The following ANK3 variants were observed in gnomAD, a reference collection of about 807,000 sequenced individuals.
ANK3 encodes ankyrin 3.
A neutral mutation model predicts 370.9 loss-of-function variants in ANK3; 57 were observed. That is an observed-to-expected ratio of 0.15 (90% CI 0.12 to 0.19). ANK3 has a LOEUF of 0.19. Ranked by LOEUF, ANK3 falls within the 10% of genes least tolerant of loss-of-function variation. The pLI, the probability that ANK3 is intolerant of heterozygous loss-of-function variation, is 1.00. For synonymous variants in ANK3, 1,929 were observed against 1,946.3 expected (o/e 0.99, Z 0.23); for missense variants, 4,439 against 5,302.1 (o/e 0.84, Z 5.06).
At chr10:60,132,148 C>A (rs1011380632) in intron 25 of ANK3, among the ~76,000 whole-genome samples, 2 of 152,088 alleles carry the variant, frequency 1.3e-5, no homozygotes, top group African/African-American at 4.8e-5. Context: ...AAATTTCAAC[C>A]AATTCCTGGC....
chr10:60,552,084 G>A (rs1004810045), intron 2 of ANK3, among the ~76,000 whole-genome samples: 3 of 152,160 alleles, frequency 2.0e-5, no homozygotes, highest in African/African-American at 4.8e-5. Context: ...CTGCACACAT[G>A]AGAGCAATGA....
chr10:60,684,604 A>G, intron 1 of ANK3: 1 of 1,589,848 alleles, frequency 6.3e-7, no homozygotes, highest in Middle Eastern at 1.8e-4. Flanking sequence ...TGCTGGAAAG[A>G]CAACTGTCTT....
At position 60,213,403 on chromosome 10, in the gene ANK3, A is replaced by C. The variant is rs372780269; in HGVS notation, c.996+9T>G. On this transcript the variant is annotated intron_variant, in intron 9 of 43. Transcript: ENST00000280772. ...CAGTCCAATGTCCAGAAACCTGAAA[A>C]GAAATTACCTTGGTTTTTGAAAGAA... 8.7e-6 allele frequency: 14 copies of C among 1,604,782 alleles called. No individual in the cohort carries two copies. The African/African-American group carries it at 1.9e-4, about 21-fold the overall frequency.
intron 2 of ANK3, among the ~76,000 whole-genome samples, chr10:60,594,631 G>GA (rs780784338): frequency 6.6e-6 from 1 of 151,876 alleles, no homozygotes; most frequent in Admixed American, 6.6e-5. Flanking sequence ...GACTATATGT[G>GA]AAAAAAATAT....
At chr10:60,227,333 T>C (rs1175174487) in intron 8 of ANK3, among the ~76,000 whole-genome samples, 1 of 152,052 alleles carries the variant, frequency 6.6e-6, no homozygotes, top group Non-Finnish European at 1.5e-5. Context: ...ATTCATGATA[T>C]GTCTTTTTCT....
At position 60,073,902 on chromosome 10, in the gene ANK3, C is replaced by T. The variant is rs1401962698; in HGVS notation, c.6979G>A (p.Glu2327Lys). The T allele has an allele frequency of 6.2e-7, 1 of 1,613,950 alleles. No individual in the cohort carries two copies. The highest frequency in any genetic ancestry group is 2.2e-5 in the East Asian group (1 of 44,872). Reference sequence around the variant, plus strand: ...TCGATGTGGACTTCTATTATACGCTCCAGTTTGGGTTTCATTTGGTTGTCC... The same window carrying T: ...TCGATGTGGACTTCTATTATACGCTTCAGTTTGGGTTTCATTTGGTTGTCC... ...EKDNQMKPKL[E>K]RIIEVHIEKG... The change falls in exon 37 of 44, where the codon GAG (glutamate) becomes AAG (lysine). Residue 2327 changes from glutamate to lysine, a missense_variant. By Grantham distance (56) the Glu-to-Lys change is moderately conservative (BLOSUM62 1). This residue lies in a region of ANK3 where 1,601 missense variants were observed against 1,731.7 expected (regional missense o/e 0.92). Coordinates refer to ENST00000280772, the MANE Select transcript of ANK3 (RefSeq NM_020987.5).
chr10:60,245,128 C>T (rs374957522), intron 7 of ANK3, among the ~76,000 whole-genome samples: 9 of 152,056 alleles, frequency 5.9e-5, no homozygotes, highest in African/African-American at 2.2e-4. Flanking sequence ...GAGATTGCGC[C>T]ACTGCACTCC....
chr10:60,504,574 G>T (rs1245960081), intron 2 of ANK3, among the ~76,000 whole-genome samples: 2 of 152,120 alleles, frequency 1.3e-5, no homozygotes, highest in Non-Finnish European at 2.9e-5. Context: ...AAACAAATGT[G>T]TTTGGGATAC....
At chr10:60,713,613 G>A (rs141342485) in intron 1 of ANK3, among the ~76,000 whole-genome samples, 1 of 152,126 alleles carries the variant, frequency 6.6e-6, no homozygotes, top group Non-Finnish European at 1.5e-5. Context: ...ACAACAGGCT[G>A]GGTGCAGTGC....
In ANK3 at chr10:60,070,862, T is replaced by A. The variant is rs1337459791; in HGVS notation, c.10019A>T (p.Asp3340Val). The A allele has an allele frequency of 6.2e-7, 1 of 1,614,112 alleles. No individual in the cohort carries two copies. Among genetic ancestry groups the A allele is most frequent in the East Asian group, 2.2e-5 (1 of 44,880 alleles). Residue 3340 changes from aspartate to valine, a missense_variant, in exon 37 of 44, where the codon GAC becomes GTC. By Grantham distance (152) the Asp-to-Val change is radical. This residue lies in a region of ANK3 where 1,601 missense variants were observed against 1,731.7 expected (regional missense o/e 0.92). Coordinates refer to ENST00000280772, the MANE Select transcript of ANK3 (RefSeq NM_020987.5). The surrounding 1 kb of genome is among the most constrained non-coding windows in gnomAD (Gnocchi z 5.7). ...KKYTFKLKEV[D>V]DEQKEKPKAS... ...TTTGGGTTTTTCTTTTTGTTCATCG[T>A]CCACTTCCTTTAATTTGAAGGTATA...
intron 1 of ANK3, among the ~76,000 whole-genome samples, chr10:60,655,569 C>A (rs2078851938): frequency 6.6e-6 from 1 of 151,718 alleles, no homozygotes; most frequent in Non-Finnish European, 1.5e-5. Flanking sequence ...ATAAAAACAT[C>A]AAAAATTTTT....
intron 19 of ANK3, 24 bp downstream of exon 19, chr10:60,173,064 G>A (rs1259518948): frequency 6.2e-7 from 1 of 1,607,376 alleles, no homozygotes; most frequent in South Asian, 1.1e-5. Flanking sequence ...GATTCTGGCA[G>A]AAACAAAAAA....
At chr10:60,485,250 T>C (rs2075320084) in intron 2 of ANK3, among the ~76,000 whole-genome samples, 1 of 152,130 alleles carries the variant, frequency 6.6e-6, no homozygotes, top group African/African-American at 2.4e-5. Context: ...TTTCTTTCCA[T>C]GTCTACACCT....
intron 1 of ANK3, among the ~76,000 whole-genome samples, chr10:60,721,852 C>T (rs2079868156): frequency 6.6e-6 from 1 of 152,060 alleles, no homozygotes; most frequent in African/African-American, 2.4e-5. Flanking sequence ...TAATTGACAC[C>T]TTCATCATAG....
chr10:60,244,744 C>T (rs966558258), intron 7 of ANK3, among the ~76,000 whole-genome samples: 3 of 152,140 alleles, frequency 2.0e-5, no homozygotes, highest in African/African-American at 7.2e-5. Context: ...AGATTACTAC[C>T]ATCCTTGTTC....
Position 60,076,443 on chromosome 10 carries a change from G to A in ANK3, c.4438C>T (p.Arg1480Trp), listed in dbSNP as rs546797056. Residue 1480 changes from arginine to tryptophan, a missense_variant, in exon 37 of 44, where the codon CGG becomes TGG. Physicochemically the swap from Arg to Trp is moderately radical, Grantham distance 101 (BLOSUM62 -3). Around this residue, in one of 13 missense-constraint regions of ANK3, gnomAD observed 679 missense variants for 791.0 expected, o/e 0.86. Transcript: ENST00000280772. ...AGGGATCTTGTTGCTCCTGTACTCCGTTCAACTGTTTCTTAAATTTTAAAA... is the reference window on the plus strand; with the variant it reads ...AGGGATCTTGTTGCTCCTGTACTCCATTCAACTGTTTCTTAAATTTTAAAA... ...SYLTEPGMIE[R>W]STGATRSLPT... is the part of the protein sequence containing the mutation. 2.1e-5 allele frequency: 33 copies of A among 1,559,912 alleles called. No homozygotes were observed. Among genetic ancestry groups the A allele is most frequent in the Non-Finnish European group, 2.6e-5 (30 of 1,154,018 alleles).
chr10:60,492,843 G>A (rs1595139759), intron 2 of ANK3, among the ~76,000 whole-genome samples: 2 of 151,436 alleles, frequency 1.3e-5, no homozygotes, highest in South Asian at 4.2e-4. Flanking sequence ...TTGGGAGGCC[G>A]AGACAGGCAG....
intron 2 of ANK3, among the ~76,000 whole-genome samples, chr10:60,553,148 G>A (rs528336390): frequency 9.9e-5 from 15 of 152,228 alleles, no homozygotes; most frequent in South Asian, 4.2e-4. Context: ...TAATTACACC[G>A]TCTAAATGGC....
chr10:60,385,867 C>T (rs1426877391), intron 1 of ANK3, among the ~76,000 whole-genome samples: 1 of 152,030 alleles, frequency 6.6e-6, no homozygotes, highest in Non-Finnish European at 1.5e-5. Flanking sequence ...CTAACAAAAC[C>T]CACTTATGGA....
Sources: gnomAD v4.1 joint callset for allele counts (sites outside exome capture counted in the v4.1 genomes callset) on GRCh38, gnomAD v4.1.1 for gene constraint, gnomAD v4.1.1 regional missense constraint, Gnocchi (gnomAD v3.1) non-coding constraint, MANE v1.5 for transcripts, NCBI Gene and HGNC (gene_info 2026-07-23, HGNC 2026-07-21) for gene names.